The following STPG2 variants were observed in gnomAD, a reference collection of about 807,000 sequenced individuals.
The protein encoded by STPG2 is sperm tail PG-rich repeat containing 2, also known as sperm-tail PG-rich repeat-containing protein 2.
STPG2 carries 56 observed loss-of-function variants against 54.2 expected under a neutral mutation model. The observed-to-expected ratio is 1.03, with a 90% CI of 0.83 to 1.29. The LOEUF (loss-of-function observed/expected upper bound fraction) is 1.29, where lower values mean the gene tolerates loss of function less well. Among genes scored for constraint, STPG2 ranks in the 50% most tolerant of loss-of-function variants. STPG2 has a pLI of 0.00. For synonymous variants in STPG2, 200 were observed against 181.8 expected (o/e 1.10, Z -0.81); for missense variants, 596 against 544.9 (o/e 1.09, Z -0.93).
intron 10 of STPG2, among the ~76,000 whole-genome samples, chr4:97,613,386 A>G (rs1243371207): frequency 6.6e-6 from 1 of 152,014 alleles, no homozygotes; most frequent in Non-Finnish European, 1.5e-5. Flanking sequence ...AAGAATAATA[A>G]AAAGGTGAAA....
At chr4:98,132,668 G>C (rs35194639) in intron 2 of STPG2, among the ~76,000 whole-genome samples, 60,022 of 151,670 alleles carry the variant, frequency 0.4, 12,119 homozygotes, top group Middle Eastern at 0.46. Context: ...ATTTCTACTT[G>C]ATAAATATTA....
At chr4:97,541,825 C>G (rs1356486160) in intron 4 of STPG2, among the ~76,000 whole-genome samples, 1 of 152,164 alleles carries the variant, frequency 6.6e-6, no homozygotes, top group Non-Finnish European at 1.5e-5. Context: ...CACACATCTA[C>G]AACCTTCTGA....
At chr4:97,919,163 A>C (rs920895069) in intron 8 of STPG2, among the ~76,000 whole-genome samples, 1 of 152,110 alleles carries the variant, frequency 6.6e-6, no homozygotes, top group Non-Finnish European at 1.5e-5. Context: ...GAAAATAACC[A>C]ACATAACAGA....
chr4:97,641,832 T>G (rs1292341180), intron 10 of STPG2, among the ~76,000 whole-genome samples: 2 of 151,718 alleles, frequency 1.3e-5, no homozygotes, highest in African/African-American at 4.8e-5. Flanking sequence ...GATGAAATAA[T>G]GCCTACTAAA....
intron 9 of STPG2, among the ~76,000 whole-genome samples, chr4:97,824,116 C>A (rs1728178547): frequency 6.6e-6 from 1 of 152,066 alleles, no homozygotes; most frequent in African/African-American, 2.4e-5. Context: ...GAGTTTTTCT[C>A]CCTAAAAGGG....
At chr4:97,946,970 G>T (rs1852545) in intron 7 of STPG2, among the ~76,000 whole-genome samples, 4 of 151,798 alleles carry the variant, frequency 2.6e-5, no homozygotes, top group Non-Finnish European at 5.9e-5. Flanking sequence ...TGAATCTGTC[G>T]ATTGCTTTGG....
chr4:98,098,069 G>A (rs528264154), intron 5 of STPG2, among the ~76,000 whole-genome samples: 2 of 152,116 alleles, frequency 1.3e-5, no homozygotes, highest in African/African-American at 4.8e-5. Context: ...CAGAGCCAGT[G>A]CAATCCCTAT....
chr4:97,602,999 C>T (rs557150039), intron 10 of STPG2, among the ~76,000 whole-genome samples: 8 of 151,546 alleles, frequency 5.3e-5, no homozygotes, highest in Non-Finnish European at 8.9e-5. Context: ...TTAAAGCATG[C>T]TTCAAAGAAT....
intron 2 of STPG2, among the ~76,000 whole-genome samples, chr4:98,132,288 T>A (rs1274390230): frequency 6.6e-6 from 1 of 151,544 alleles, no homozygotes; most frequent in Admixed American, 6.6e-5. Flanking sequence ...AGTTAAAAAC[T>A]AAAGTTTATT....
chr4:97,598,269 T>TA, intron 10 of STPG2, among the ~76,000 whole-genome samples: 1 of 152,218 alleles, frequency 6.6e-6, no homozygotes, highest in African/African-American at 2.4e-5. Context: ...AGTCCATGCT[T>TA]ACTGATAGGA....
chr4:97,468,347 A>C (rs1729838519), intron 4 of STPG2, among the ~76,000 whole-genome samples: 1 of 152,036 alleles, frequency 6.6e-6, no homozygotes, highest in African/African-American at 2.4e-5. Flanking sequence ...ATTAATCAAA[A>C]ATAAGCACAT....
intron 9 of STPG2, among the ~76,000 whole-genome samples, chr4:97,725,177 A>G (rs994707728): frequency 2.0e-5 from 3 of 152,104 alleles, no homozygotes; most frequent in Admixed American, 6.6e-5. Flanking sequence ...CCTAAAGTCC[A>G]CTAATAAATT....
intron 7 of STPG2, among the ~76,000 whole-genome samples, chr4:97,957,348 G>GT (rs1168875359): frequency 6.6e-6 from 1 of 151,580 alleles, no homozygotes; most frequent in East Asian, 1.9e-4. Flanking sequence ...TGAAGACAAT[G>GT]TTTTTTAATT....
intron 8 of STPG2, among the ~76,000 whole-genome samples, chr4:97,920,301 T>C (rs1196828114): frequency 6.6e-6 from 1 of 152,194 alleles, no homozygotes; most frequent in Non-Finnish European, 1.5e-5. Flanking sequence ...AATTTTTGCC[T>C]CTTGTCTCTA....
intron 9 of STPG2, among the ~76,000 whole-genome samples, chr4:97,811,858 A>C (rs2149097562): frequency 6.6e-6 from 1 of 152,262 alleles, no homozygotes; most frequent in Admixed American, 6.5e-5. Flanking sequence ...CTATCTAAAT[A>C]TTCAAAATTA....
chr4:97,665,184 T>C (rs1722487520), intron 10 of STPG2, among the ~76,000 whole-genome samples: 1 of 152,156 alleles, frequency 6.6e-6, no homozygotes, highest in Non-Finnish European at 1.5e-5. Context: ...AGCTCTTCTC[T>C]TCTTGTTGCC....
chr4:97,745,167 C>T (rs74758152), intron 9 of STPG2, among the ~76,000 whole-genome samples: 2,084 of 150,130 alleles, frequency 0.014, 29 homozygotes, highest in Non-Finnish European at 0.024. Flanking sequence ...TACTTCAAAA[C>T]GTGAGTCTAA....
chr4:97,852,092 G>T (rs1729177674), intron 8 of STPG2, among the ~76,000 whole-genome samples: 1 of 152,166 alleles, frequency 6.6e-6, no homozygotes, highest in Non-Finnish European at 1.5e-5. Flanking sequence ...CAGTTGAACA[G>T]ATTTGGATAT....
chr4:98,110,155 A>C (rs2110144951), intron 3 of STPG2, among the ~76,000 whole-genome samples: 1 of 147,368 alleles, frequency 6.8e-6, no homozygotes, highest in South Asian at 2.2e-4. Context: ...AGACAGCCTG[A>C]CATGAGCAGG....
Sources: allele counts gnomAD v4.1 joint callset (sites outside exome capture counted in the v4.1 genomes callset), GRCh38; gene constraint gnomAD v4.1.1; transcripts MANE v1.5; gene names NCBI Gene and HGNC (gene_info 2026-07-23, HGNC 2026-07-21).